EPB41L5: variants seen among roughly 807,000 people sequenced by gnomAD.
EPB41L5 encodes the protein band 4.1-like protein 5.
A neutral mutation model predicts 106.6 loss-of-function variants in EPB41L5; 55 were observed. The ratio of observed to expected loss-of-function variants is 0.52; its 90% CI spans 0.42 to 0.65. EPB41L5 has a LOEUF of 0.65. Among genes scored for constraint, EPB41L5 ranks in the 30% least tolerant of loss-of-function variants. EPB41L5 has a pLI of 0.00. For missense variants in EPB41L5, 871 were observed against 882.1 expected (o/e 0.99, Z 0.16); for synonymous variants, 297 against 306.7 (o/e 0.97, Z 0.33).
intron 3 of EPB41L5, among the ~76,000 whole-genome samples, chr2:120,061,110 A>T (rs1369007433): frequency 7.5e-6 from 1 of 132,556 alleles, no homozygotes; most frequent in Non-Finnish European, 1.5e-5. Flanking sequence ...GTGTGATCTC[A>T]GCTTACTACA....
At chr2:120,037,852 A>T (rs1023743654) in intron 2 of EPB41L5, among the ~76,000 whole-genome samples, 11 of 152,228 alleles carry the variant, frequency 7.2e-5, no homozygotes, top group African/African-American at 2.7e-4. Flanking sequence ...TGGAAAAGAA[A>T]GAAGTCAGAC....
Position 120,167,964 on chromosome 2 carries a change from C to G in EPB41L5, c.2092C>G (p.Leu698Val), listed in dbSNP as rs184236313. The stretch of plus-strand genomic sequence containing the variant: ...ACATGGTAATAAAGATGGAATCTCA[C>G]TGATCTCTCCCCCAGCGCCATTCTT... ...EGHGNKDGIS[L>V]ISPPAPFLVD... The change falls in exon 24 of 25, where the codon CTG becomes GTG. Residue 698 changes from leucine (L) to valine (V), a missense_variant. Leu to Val is a conservative substitution (Grantham distance 32, BLOSUM62 1). Coordinates refer to ENST00000263713, the MANE Select transcript of EPB41L5 (RefSeq NM_020909.4). The G allele has an allele frequency of 1.2e-6, 2 of 1,614,132 alleles. No individual in the cohort carries two copies. Among genetic ancestry groups the G allele is most frequent in the African/African-American group, 2.7e-5 (2 of 75,036 alleles).
chr2:120,082,295 A>G (rs183496766), intron 10 of EPB41L5, among the ~76,000 whole-genome samples: 8 of 152,132 alleles, frequency 5.3e-5, no homozygotes, highest in Non-Finnish European at 8.8e-5. Context: ...TCAATACCTA[A>G]TTTATTGAGA....
chr2:120,111,373 G>A (rs1396656158), intron 16 of EPB41L5, among the ~76,000 whole-genome samples: 4 of 152,168 alleles, frequency 2.6e-5, no homozygotes, highest in African/African-American at 9.7e-5. Context: ...AGCTTCGTAA[G>A]TGGCAGTTCT....
intron 2 of EPB41L5, among the ~76,000 whole-genome samples, chr2:120,020,353 C>G (rs1677837923): frequency 6.6e-6 from 1 of 152,026 alleles, no homozygotes; most frequent in African/African-American, 2.4e-5. Flanking sequence ...AATGGATGTT[C>G]TGATTAACTT....
chr2:120,016,172 GT>G (rs1326017382), intron 1 of EPB41L5, among the ~76,000 whole-genome samples: 1 of 152,144 alleles, frequency 6.6e-6, no homozygotes, highest in Non-Finnish European at 1.5e-5. Context: ...GCTTACGCCT[GT>G]AATCCTAGCA....
Position 120,104,488 on chromosome 2 carries a change from A to G in EPB41L5, c.1337+3674A>G, listed in dbSNP as rs1001308593. The G allele has an allele frequency of 7.0e-6, 8 of 1,150,138 alleles. No homozygotes were observed. The African/African-American group carries it at 9.6e-5, about 14-fold the overall frequency. The allele number at this position is 1,150,138 out of a possible 1,614,324, so 71.2% of individuals were successfully genotyped here. ...AGTGTGTATACCATTGTGGTTTTGG[A>G]AGAGTTTTCAGACCTTAGTATGTTC... On this transcript the variant is annotated intron_variant, in intron 16 of 24. Transcript: ENST00000263713.
chr2:120,093,968 C>T (rs1426083844), intron 14 of EPB41L5, among the ~76,000 whole-genome samples: 1 of 151,870 alleles, frequency 6.6e-6, no homozygotes, highest in Non-Finnish European at 1.5e-5. Context: ...TTCTTTTCTT[C>T]TCTTTTTTTT....
chr2:120,137,393 C>CA (rs1195691657), intron 18 of EPB41L5, among the ~76,000 whole-genome samples: 1 of 150,662 alleles, frequency 6.6e-6, no homozygotes, highest in Non-Finnish European at 1.5e-5. Flanking sequence ...AAATTGAAAC[C>CA]AAAAAATACA....
intron 14 of EPB41L5, among the ~76,000 whole-genome samples, chr2:120,098,364 C>T (rs4849821): frequency 0.63 from 95,053 of 151,540 alleles, 31,939 homozygotes; most frequent in Non-Finnish European, 0.75. Context: ...AGGCACGCAC[C>T]CTCACACGTA....
At chr2:120,105,117 AT>A in intron 16 of EPB41L5, 1 of 978,450 alleles carries the variant, frequency 1.0e-6, no homozygotes, top group Non-Finnish European at 1.2e-6. Context: ...CCAAAACCAT[AT>A]GATTTTTAGA....
At chr2:120,094,009 C>T (rs1158573811) in intron 14 of EPB41L5, among the ~76,000 whole-genome samples, 3 of 151,908 alleles carry the variant, frequency 2.0e-5, no homozygotes, top group African/African-American at 7.3e-5. Flanking sequence ...ACGTGCAGGG[C>T]CTAGCTCTTT....
At chr2:120,117,432 G>A (rs1431046508) in intron 16 of EPB41L5, among the ~76,000 whole-genome samples, 5 of 152,044 alleles carry the variant, frequency 3.3e-5, no homozygotes, top group Non-Finnish European at 7.4e-5. Context: ...TTCCTCCTCA[G>A]TGTGATTATG....
intron 2 of EPB41L5, among the ~76,000 whole-genome samples, chr2:120,034,225 C>A (rs923511872): frequency 6.6e-5 from 10 of 152,162 alleles, no homozygotes; most frequent in African/African-American, 2.4e-4. Flanking sequence ...GTTCTGAGGA[C>A]GCAGCTGTCT....
intron 18 of EPB41L5, among the ~76,000 whole-genome samples, chr2:120,136,872 G>T (rs1412741241): frequency 2.0e-5 from 3 of 151,980 alleles, no homozygotes; most frequent in Non-Finnish European, 2.9e-5. Context: ...GATTTAATCA[G>T]TGTAGACCAA....
intron 10 of EPB41L5, among the ~76,000 whole-genome samples, chr2:120,081,709 A>G (rs955879242): frequency 3.9e-5 from 6 of 152,054 alleles, no homozygotes; most frequent in South Asian, 2.1e-4. Flanking sequence ...CAGTATGGCT[A>G]TTTTCATGAT....
In EPB41L5 at chr2:120,143,150, A is replaced by T; in HGVS notation, c.1728+19A>T. ...GCATAAGGTAAGCTGCCTTTGATAG[A>T]TAGCCCTGGTGAAGTGAAATGAGCA... On this transcript the variant is annotated intron_variant, in intron 19 of 24. Coordinates refer to ENST00000263713, the MANE Select transcript of EPB41L5 (RefSeq NM_020909.4). The T allele has an allele frequency of 1.3e-6, 2 of 1,555,924 alleles. No individual in the cohort carries two copies. The highest frequency in any genetic ancestry group is 1.7e-6 in the Non-Finnish European group (2 of 1,156,666).
chr2:120,058,500 G>C (rs6734822), intron 3 of EPB41L5, among the ~76,000 whole-genome samples: 6 of 152,048 alleles, frequency 3.9e-5, no homozygotes, highest in African/African-American at 9.7e-5. Context: ...GATAGGGATA[G>C]AGACAGAGAA....
At chr2:120,155,929 C>T (rs903502332) in intron 20 of EPB41L5, among the ~76,000 whole-genome samples, 13 of 152,140 alleles carry the variant, frequency 8.5e-5, no homozygotes, top group Admixed American at 6.5e-4. Context: ...AATCTGCTGT[C>T]ACCCTGGGCC....
Sources: allele counts gnomAD v4.1 joint callset (sites outside exome capture counted in the v4.1 genomes callset), GRCh38; gene constraint gnomAD v4.1.1; transcripts MANE v1.5; gene names NCBI Gene and HGNC (gene_info 2026-07-23, HGNC 2026-07-21).